Variants in RUNX1 observed in about 807,000 individuals in gnomAD.
The protein encoded by RUNX1 is runt-related transcription factor 1.
RUNX1 carries 19 observed loss-of-function variants against 42.8 expected under a neutral mutation model. That is an observed-to-expected ratio of 0.44 (90% CI 0.31 to 0.65). RUNX1 has a LOEUF of 0.65. Among genes scored for constraint, RUNX1 ranks in the 30% least tolerant of loss-of-function variants. The probability of loss-of-function intolerance (pLI) is 0.07; values close to 1 mark genes in which losing one functional copy is unlikely to be tolerated. For synonymous variants in RUNX1, 271 were observed against 289.4 expected (o/e 0.94, Z 0.64); for missense variants, 528 against 672.0 (o/e 0.79, Z 2.37).
intron 2 of RUNX1, among the ~76,000 whole-genome samples, chr21:34,903,233 GCT>G (rs1301210317): frequency 6.6e-6 from 1 of 152,000 alleles, no homozygotes; most frequent in East Asian, 1.9e-4. Flanking sequence ...TTACAATTCA[GCT>G]CTTTGATTAA....
In RUNX1 at chr21:34,843,576, G is replaced by A. The variant is rs889747905; in HGVS notation, c.614-8975C>T. 6.6e-6 allele frequency among the ~76,000 whole-genome samples: 1 copy of A among 152,132 alleles called. No individual in the cohort carries two copies. The highest frequency in any genetic ancestry group is 2.4e-5 in the African/African-American group (1 of 41,406). On this transcript the variant is annotated intron_variant, in intron 6 of 8. Coordinates refer to ENST00000675419, the MANE Select transcript of RUNX1 (RefSeq NM_001754.5). This position sits in a 1 kb window ranked among gnomAD's most constrained non-coding sequence, Gnocchi z 4.8. ...CAGGACATGGGCCAAGACAAGTGTAGCAAGCAACAGTCAATGGACAGGAAA... is the reference window on the plus strand; with the variant it reads ...CAGGACATGGGCCAAGACAAGTGTAACAAGCAACAGTCAATGGACAGGAAA...
intron 6 of RUNX1, among the ~76,000 whole-genome samples, chr21:34,836,929 C>A (rs1431029787): frequency 6.6e-6 from 1 of 152,334 alleles, no homozygotes; most frequent in South Asian, 2.1e-4. Flanking sequence ...AGACACCCAA[C>A]AGGAATCATC....
At chr21:35,047,672 G>C (rs2059410563) in intron 2 of RUNX1, among the ~76,000 whole-genome samples, 1 of 151,612 alleles carries the variant, frequency 6.6e-6, no homozygotes. Flanking sequence ...CTGTGATAAA[G>C]TGGCCGGCAA....
chr21:34,809,596 G>A (rs1428146460), intron 7 of RUNX1, among the ~76,000 whole-genome samples: 2 of 152,092 alleles, frequency 1.3e-5, no homozygotes, highest in Admixed American at 1.3e-4. Flanking sequence ...TGGAAGGCCT[G>A]GGTTGGGAGA....
At chr21:34,799,080 G>T (rs1264771072) in intron 8 of RUNX1, among the ~76,000 whole-genome samples, 2 of 152,174 alleles carry the variant, frequency 1.3e-5, no homozygotes, top group Admixed American at 6.5e-5. Context: ...AGATGTCTAA[G>T]GAACCTACTT....
At chr21:34,815,210 AGAGT>A (rs148835842) in intron 7 of RUNX1, among the ~76,000 whole-genome samples, 3,245 of 152,314 alleles carry the variant, frequency 0.021, 99 homozygotes, top group African/African-American at 0.074. Context: ...GTTGACAAGG[AGAGT>A]GACCATGGTC....
chr21:34,845,342 G>A (rs971814532), intron 6 of RUNX1, among the ~76,000 whole-genome samples: 6 of 152,174 alleles, frequency 3.9e-5, no homozygotes, highest in African/African-American at 1.4e-4. Context: ...GGGATGGAGG[G>A]CAAGGATGGA....
intron 7 of RUNX1, among the ~76,000 whole-genome samples, chr21:34,806,049 A>C (rs532909903): frequency 2.0e-5 from 3 of 152,206 alleles, no homozygotes; most frequent in South Asian, 4.1e-4. Flanking sequence ...TTAAACCTAT[A>C]AAAGGTAGAA....
rs2056425732 is a variant in RUNX1, at chr21:34,790,893, C to G, written c.*1242G>C. On this transcript the variant is annotated 3_prime_UTR_variant, in exon 9 of 9. Coordinates refer to ENST00000675419, the MANE Select transcript of RUNX1 (RefSeq NM_001754.5). ...TTTACTTTGGCTGTGTTCTGTTACA[C>G]AGCATCTGTGAAATTATCAGATGAC... The G allele has an allele frequency of 4.3e-6, 1 of 233,418 alleles. No homozygotes were observed. The highest frequency in any genetic ancestry group is 1.3e-3 in the Middle Eastern group (1 of 786). The allele number at this position is 233,418 out of a possible 1,614,324, so 14.5% of individuals were successfully genotyped here.
At chr21:34,865,928 T>C (rs1322499576) in intron 5 of RUNX1, among the ~76,000 whole-genome samples, 1 of 152,182 alleles carries the variant, frequency 6.6e-6, no homozygotes, top group Admixed American at 6.5e-5. Context: ...CCAGGCCACA[T>C]CAGAGCAGAA....
At chr21:35,030,870 C>A (rs2059267947) in intron 2 of RUNX1, among the ~76,000 whole-genome samples, 1 of 152,142 alleles carries the variant, frequency 6.6e-6, no homozygotes, top group Non-Finnish European at 1.5e-5. Context: ...ACTCAAACAA[C>A]TCAATAGCAA....
rs111500897 is a variant in RUNX1 at position 34,850,821 on chromosome 21, T to C, written c.613+8653A>G. Among the ~76,000 whole-genome samples, 1,059 of 152,372 alleles carry C rather than the reference T, an allele frequency of 7.0e-3. 11 individuals are homozygous for C. The highest frequency in any genetic ancestry group is 0.024 in the African/African-American group (1,004 of 41,582). ...ATGTAAAAAAAAAAGTGTACCATTA[T>C]GGCAACTTCATGAATTTTTAAATTT... On this transcript the variant is annotated intron_variant, in intron 6 of 8. Transcript: ENST00000675419.
At chr21:35,015,230 C>T (rs938786790) in intron 2 of RUNX1, among the ~76,000 whole-genome samples, 2 of 152,180 alleles carry the variant, frequency 1.3e-5, no homozygotes, top group African/African-American at 4.8e-5. Context: ...ATAATCCTAC[C>T]TAACTCAGAG....
At chr21:34,950,753 A>T (rs2058601111) in intron 2 of RUNX1, among the ~76,000 whole-genome samples, 1 of 152,112 alleles carries the variant, frequency 6.6e-6, no homozygotes, top group African/African-American at 2.4e-5. Context: ...TTGCACACAT[A>T]GTTAGGTGAT....
chr21:34,885,884 C>T (rs569431318), intron 4 of RUNX1, among the ~76,000 whole-genome samples: 11 of 152,304 alleles, frequency 7.2e-5, no homozygotes, highest in South Asian at 4.1e-4. Context: ...AACAGAATCT[C>T]CACTGCAGAA....
intron 7 of RUNX1, among the ~76,000 whole-genome samples, chr21:34,831,232 G>A (rs1407016956): frequency 2.0e-5 from 3 of 151,944 alleles, no homozygotes; most frequent in Non-Finnish European, 4.4e-5. Flanking sequence ...TCTATTTCAT[G>A]ACAAAATGGC....
chr21:34,885,138 A>G lies in RUNX1; in HGVS notation c.351+1705T>C, dbSNP rs2057961379. On this transcript the variant is annotated intron_variant, in intron 4 of 8. Transcript: ENST00000675419. Reference sequence around the variant, plus strand: ...TTGAGTGTGGGTTCCCTGGCAGAGGAGGGAGTTCAGAAGAGACCCTGATTT... The same window carrying G: ...TTGAGTGTGGGTTCCCTGGCAGAGGGGGGAGTTCAGAAGAGACCCTGATTT... Among the ~76,000 whole-genome samples, 5 of 152,090 alleles carry G rather than the reference A, an allele frequency of 3.3e-5. No individual in the cohort carries two copies. In the South Asian group the frequency reaches 1.0e-3, roughly 32 times the overall value.
In RUNX1 at chr21:34,789,584, TCACA is replaced by T. The variant is rs371955155; in HGVS notation, c.*2547_*2550del. Reference sequence around the variant, plus strand: ...ACCTGAAGTCAATGAATGCAATTTTTCACACACACACACACACACGCACACACAC... The same window carrying T: ...ACCTGAAGTCAATGAATGCAATTTTTCACACACACACACACGCACACACAC... On this transcript the variant is annotated 3_prime_UTR_variant, in exon 9 of 9. Coordinates refer to ENST00000675419, the MANE Select transcript of RUNX1 (RefSeq NM_001754.5). 9.7e-5 allele frequency: 22 copies of T among 226,622 alleles called. No homozygotes were observed. The highest frequency in any genetic ancestry group is 5.6e-4 in the East Asian group (9 of 15,958). The allele number at this position is 226,622 out of a possible 1,614,324, so 14.0% of individuals were successfully genotyped here. A position where few individuals can be genotyped will look rare whatever the true frequency, so the allele number is the denominator to read the frequency against.
chr21:34,932,121 G>A (rs1049571600), intron 2 of RUNX1, among the ~76,000 whole-genome samples: 2 of 152,142 alleles, frequency 1.3e-5, no homozygotes, highest in African/African-American at 4.8e-5. Flanking sequence ...CATTTTGGAT[G>A]ATTGAGAGGG....
Sources: allele counts gnomAD v4.1 joint callset (sites outside exome capture counted in the v4.1 genomes callset), GRCh38; gene constraint gnomAD v4.1.1; non-coding constraint Gnocchi (gnomAD v3.1); transcripts MANE v1.5; gene names NCBI Gene and HGNC (gene_info 2026-07-23, HGNC 2026-07-21).